Variants in SLC25A48 observed in about 807,000 individuals in gnomAD.
SLC25A48 encodes solute carrier family 25 member 48.
SLC25A48 carries 29 observed loss-of-function variants against 32.2 expected under a neutral mutation model. The ratio of observed to expected loss-of-function variants is 0.90; its 90% CI spans 0.67 to 1.23. The LOEUF is 1.23. Ranked by LOEUF, SLC25A48 falls within the 50% of genes most tolerant of loss-of-function variation. The pLI is 0.00. For synonymous variants in SLC25A48, 164 were observed against 172.3 expected, an observed-to-expected ratio of 0.95 and a Z score of 0.38; for missense variants, 399 against 422.7, an observed-to-expected ratio of 0.94 and a Z score of 0.49.
At chr5:135,866,260 A>G (rs1047157716) in intron 4 of SLC25A48, among the ~76,000 whole-genome samples, 14 of 152,258 alleles carry the variant, frequency 9.2e-5, no homozygotes, top group African/African-American at 3.1e-4. Context: ...GAGAGTGGCC[A>G]GGCCTTTGTG....
intron 5 of SLC25A48, chr5:135,871,934 G>T: frequency 6.9e-7 from 1 of 1,458,238 alleles, no homozygotes. Context: ...GTTCCCATTT[G>T]ACTTTCAGGC....
chr5:135,764,834 G>T (rs893045505), intron 3 of SLC25A48, among the ~76,000 whole-genome samples: 2 of 150,268 alleles, frequency 1.3e-5, no homozygotes, highest in Non-Finnish European at 3.0e-5. Context: ...GAGATGGTTC[G>T]CAATATCCAG....
rs74517601 is a variant in SLC25A48 at position 135,887,334 on chromosome 5, T to A, written c.*8-698T>A. On this transcript the variant is annotated intron_variant, in intron 7 of 7. Coordinates refer to ENST00000681962, the MANE Select transcript of SLC25A48 (RefSeq NM_001349336.2). ...TTATAGCCTTTGGGAAACTCCACCGTATGCTTGTGAGAACATAAGATTGAA... is the reference window on the plus strand; with the variant it reads ...TTATAGCCTTTGGGAAACTCCACCGAATGCTTGTGAGAACATAAGATTGAA... 2.2e-4 allele frequency among the ~76,000 whole-genome samples: 34 copies of A among 152,232 alleles called. No homozygotes were observed. The East Asian group carries it at 6.6e-3, about 29-fold the overall frequency.
In SLC25A48 at chr5:135,657,583, G is replaced by A. The variant is rs370144109; in HGVS notation, c.-521+22627G>A. The stretch of plus-strand genomic sequence containing the variant: ...TTACAGACTGCTGTTCAAAGTGACT[G>A]GGAGATGGGAGTCCCAAGTAAGTTC... On this transcript the variant is annotated intron_variant, in intron 3 of 10. Coordinates refer to the SLC25A48 transcript ENST00000646290. Among the ~76,000 whole-genome samples the A allele has an allele frequency of 3.9e-5, 6 of 152,214 alleles. No homozygotes were observed. In the East Asian group the frequency reaches 1.2e-3, roughly 29 times the overall value.
intron 3 of SLC25A48, among the ~76,000 whole-genome samples, chr5:135,636,623 A>G (rs1752712925): frequency 6.6e-6 from 1 of 152,198 alleles, no homozygotes; most frequent in South Asian, 2.1e-4. Context: ...CGTTGCAGTG[A>G]CAGGCAGGGG....
chr5:135,692,224 G>T (rs947624598), intron 3 of SLC25A48, among the ~76,000 whole-genome samples: 12 of 151,664 alleles, frequency 7.9e-5, no homozygotes, highest in African/African-American at 2.7e-4. Flanking sequence ...AGGCTGAGGC[G>T]GGAGAATTGC....
At chr5:135,716,084 G>T (rs1376692914) in intron 3 of SLC25A48, among the ~76,000 whole-genome samples, 1 of 152,188 alleles carries the variant, frequency 6.6e-6, no homozygotes, top group African/African-American at 2.4e-5. Flanking sequence ...TGGACCCCTT[G>T]TCACCTGGTG....
intron 1 of SLC25A48, among the ~76,000 whole-genome samples, chr5:135,626,931 A>AC (rs1404728021): frequency 6.6e-6 from 1 of 152,190 alleles, no homozygotes; most frequent in South Asian, 2.1e-4. Context: ...CCAGCCACCC[A>AC]CCTTGGCCTG....
chr5:135,662,255 C>A (rs954751870), intron 3 of SLC25A48, among the ~76,000 whole-genome samples: 2 of 152,088 alleles, frequency 1.3e-5, no homozygotes, highest in African/African-American at 2.4e-5. Flanking sequence ...TCCTAGTAAC[C>A]CCCTGGCCAG....
chr5:135,596,766 T>A (rs1387864187), intron 1 of SLC25A48, among the ~76,000 whole-genome samples: 2 of 152,190 alleles, frequency 1.3e-5, no homozygotes, highest in African/African-American at 4.8e-5. Flanking sequence ...CACTTTTCAT[T>A]AGATTGACCT....
chr5:135,664,322 G>A (rs1227991249), intron 3 of SLC25A48, among the ~76,000 whole-genome samples: 2 of 152,176 alleles, frequency 1.3e-5, no homozygotes, highest in Non-Finnish European at 2.9e-5. Flanking sequence ...TATCTCTTGG[G>A]CAAATGGACC....
chr5:135,691,385 C>A (rs976057769), intron 3 of SLC25A48, among the ~76,000 whole-genome samples: 1 of 152,166 alleles, frequency 6.6e-6, no homozygotes, highest in East Asian at 1.9e-4. Flanking sequence ...AACCCAGTCC[C>A]GTGCTCTGCC....
intron 3 of SLC25A48, among the ~76,000 whole-genome samples, chr5:135,704,652 A>G (rs1754467602): frequency 6.6e-6 from 1 of 152,160 alleles, no homozygotes; most frequent in South Asian, 2.1e-4. Context: ...ATCTCATTTA[A>G]TCTCTCTAGT....
chr5:135,870,993 A>T (rs905688970), intron 4 of SLC25A48, among the ~76,000 whole-genome samples: 4 of 151,530 alleles, frequency 2.6e-5, no homozygotes, highest in African/African-American at 9.7e-5. Flanking sequence ...TGCAGCCAGG[A>T]CAGTCTGGCT....
chr5:135,853,269 G>A lies in SLC25A48; in HGVS notation c.421+448G>A, dbSNP rs1030612607. Among the ~76,000 whole-genome samples the A allele has an allele frequency of 2.6e-5, 4 of 152,136 alleles. No homozygotes were observed. The East Asian group carries it at 7.7e-4, about 29-fold the overall frequency. The stretch of plus-strand genomic sequence containing the variant: ...GGTTGTTGTTGCTGAAGGTTGGGTG[G>A]GCTGTGGCAATTTCTTAAAATAAGA... On this transcript the variant is annotated intron_variant, in intron 4 of 7. Coordinates refer to ENST00000681962, the MANE Select transcript of SLC25A48 (RefSeq NM_001349336.2).
intron 3 of SLC25A48, chr5:135,742,711 T>C: frequency 2.5e-6 from 1 of 401,720 alleles, no homozygotes; most frequent in South Asian, 3.9e-5. Flanking sequence ...TCCTCTGAAA[T>C]ACCTCTTAGT....
intron 6 of SLC25A48, chr5:135,875,394 C>G (rs972330285): frequency 1.3e-5 from 2 of 152,206 alleles, no homozygotes; most frequent in Non-Finnish European, 2.9e-5. Context: ...TGGGAAAGAT[C>G]CAGAGTTGGA....
chr5:135,701,863 G>C (rs965519271), intron 3 of SLC25A48, among the ~76,000 whole-genome samples: 1 of 152,218 alleles, frequency 6.6e-6, no homozygotes, highest in African/African-American at 2.4e-5. Context: ...GGAAACAAGA[G>C]TGATTATTTC....
chr5:135,845,304 G>A (rs995987059), intron 2 of SLC25A48, among the ~76,000 whole-genome samples: 2 of 152,232 alleles, frequency 1.3e-5, no homozygotes, highest in African/African-American at 4.8e-5. Flanking sequence ...AAGGACACTA[G>A]CCATTGGATT....
Sources: allele counts gnomAD v4.1 joint callset (sites outside exome capture counted in the v4.1 genomes callset), GRCh38; gene constraint gnomAD v4.1.1; transcripts MANE v1.5; gene names NCBI Gene and HGNC (gene_info 2026-07-23, HGNC 2026-07-21).